Variants in CMPK1 observed in about 807,000 individuals in gnomAD.
The protein encoded by CMPK1 is cytidine/uridine monophosphate kinase 1.
In CMPK1, 10 loss-of-function variants were observed where a neutral mutation model predicts 25.7. The observed-to-expected ratio is 0.39, with a 90% CI of 0.24 to 0.66. The LOEUF (loss-of-function observed/expected upper bound fraction) is 0.66. Among genes scored for constraint, CMPK1 ranks in the 30% least tolerant of loss-of-function variants. CMPK1 has a pLI of 0.48. For synonymous variants in CMPK1, 106 were observed against 101.5 expected, an observed-to-expected ratio of 1.04 and a Z score of -0.27; for missense variants, 199 against 280.5, an observed-to-expected ratio of 0.71 and a Z score of 2.08.
chr1:47,365,506 T>C (rs1470626010), intron 1 of CMPK1, among the ~76,000 whole-genome samples: 1 of 151,696 alleles, frequency 6.6e-6, no homozygotes, highest in African/African-American at 2.4e-5. Flanking sequence ...CAGTGGCATG[T>C]ACCACTAGTC....
intron 1 of CMPK1, among the ~76,000 whole-genome samples, chr1:47,338,625 T>A (rs1646418120): frequency 7.3e-6 from 1 of 136,250 alleles, no homozygotes; most frequent in African/African-American, 2.6e-5. Context: ...TTTTCTTTTT[T>A]TTTTACCAAA....
chr1:47,336,962 C>T (rs955987095), intron 1 of CMPK1, among the ~76,000 whole-genome samples: 1 of 151,914 alleles, frequency 6.6e-6, no homozygotes, highest in Non-Finnish European at 1.5e-5. Flanking sequence ...TTAATAATAC[C>T]CATACTACTA....
At chr1:47,357,050 G>A (rs554738105) in intron 1 of CMPK1, among the ~76,000 whole-genome samples, 4 of 146,120 alleles carry the variant, frequency 2.7e-5, no homozygotes, top group South Asian at 2.2e-4. Flanking sequence ...TATAAGCTCC[G>A]CCTCCTGGGT....
intron 1 of CMPK1, among the ~76,000 whole-genome samples, chr1:47,365,911 AG>A (rs567246332): frequency 9.6e-4 from 146 of 152,220 alleles, no homozygotes; most frequent in Admixed American, 5.2e-3. Flanking sequence ...TACTATCTTT[AG>A]GTCAGGCATG....
At chr1:47,374,165 C>T (rs1646693626) in intron 3 of CMPK1, among the ~76,000 whole-genome samples, 1 of 152,330 alleles carries the variant, frequency 6.6e-6, no homozygotes, top group African/African-American at 2.4e-5. Context: ...TCAAGCAGTT[C>T]TCCTGCCTCA....
At chr1:47,366,832 C>G (rs3122610) in intron 1 of CMPK1, among the ~76,000 whole-genome samples, 63,642 of 151,952 alleles carry the variant, frequency 0.42, 15,406 homozygotes, top group South Asian at 0.55. Context: ...TCAAGTGATT[C>G]TCCTGCCTCA....
chr1:47,372,503 G>A (rs866121360), intron 2 of CMPK1, among the ~76,000 whole-genome samples: 9 of 152,272 alleles, frequency 5.9e-5, no homozygotes, highest in Admixed American at 2.0e-4. Context: ...TTCCACTATA[G>A]CAAAACGACT....
At chr1:47,349,233 T>C (rs1646505170) in intron 1 of CMPK1, among the ~76,000 whole-genome samples, 1 of 152,178 alleles carries the variant, frequency 6.6e-6, no homozygotes, top group Admixed American at 6.6e-5. Context: ...CATAGTAGCT[T>C]GAAGACGAAA....
chr1:47,337,773 C>T (rs557065777), intron 1 of CMPK1, among the ~76,000 whole-genome samples: 11 of 151,978 alleles, frequency 7.2e-5, no homozygotes, highest in South Asian at 6.2e-4. Flanking sequence ...CCACCATGCC[C>T]GGCTAATTTT....
At chr1:47,357,728 AC>A (rs1488698185) in intron 1 of CMPK1, among the ~76,000 whole-genome samples, 1 of 151,636 alleles carries the variant, frequency 6.6e-6, no homozygotes, top group Non-Finnish European at 1.5e-5. Flanking sequence ...CAGGTGATCC[AC>A]CTGCCTCAGC....
intron 1 of CMPK1, among the ~76,000 whole-genome samples, chr1:47,344,311 A>G (rs1646466769): frequency 6.6e-6 from 1 of 152,106 alleles, no homozygotes; most frequent in South Asian, 2.1e-4. Context: ...GGAAAGAAGC[A>G]GTTGGGAGAT....
intron 1 of CMPK1, among the ~76,000 whole-genome samples, chr1:47,336,525 T>G (rs1006793441): frequency 2.0e-5 from 3 of 152,174 alleles, no homozygotes; most frequent in Non-Finnish European, 4.4e-5. Flanking sequence ...TGGGTTTTGT[T>G]GTTGTTGTTT....
At chr1:47,337,673 G>T (rs1472316366) in intron 1 of CMPK1, among the ~76,000 whole-genome samples, 3 of 151,612 alleles carry the variant, frequency 2.0e-5, no homozygotes, top group African/African-American at 7.3e-5. Flanking sequence ...GTGTGCAGTG[G>T]GGCAATCTTG....
At chr1:47,346,567 G>A (rs990331156) in intron 1 of CMPK1, among the ~76,000 whole-genome samples, 5 of 150,200 alleles carry the variant, frequency 3.3e-5, no homozygotes, top group Admixed American at 2.0e-4. Flanking sequence ...GCAATGGTGC[G>A]ATCTCAACTC....
Position 47,339,126 on chromosome 1 carries a change from A to G in CMPK1, c.171+5010A>G, listed in dbSNP as rs567156061. ...AGTGGTGTGACCTCAGCTCACTGCA[A>G]CCTCCGCCTCCTGGGTTCAAGAGAT... On this transcript the variant is annotated intron_variant, in intron 1 of 5. Coordinates refer to ENST00000371873, the MANE Select transcript of CMPK1 (RefSeq NM_016308.3). Among the ~76,000 whole-genome samples, 321 of 150,974 alleles carry G rather than the reference A, an allele frequency of 2.1e-3. 2 individuals carry two copies. The highest frequency in any genetic ancestry group is 3.9e-3 in the Non-Finnish European group (262 of 67,836).
chr1:47,374,820 G>T, intron 3 of CMPK1, 89 bp from the exon 4 acceptor site: 1 of 907,228 alleles, frequency 1.1e-6, no homozygotes, highest in South Asian at 1.7e-5. Flanking sequence ...GGTTTTTTTG[G>T]TCATCTCTTT....
At chr1:47,349,962 G>A (rs1203195724) in intron 1 of CMPK1, among the ~76,000 whole-genome samples, 3 of 152,028 alleles carry the variant, frequency 2.0e-5, no homozygotes, top group South Asian at 2.1e-4. Context: ...GCGCCACCAC[G>A]CCCAGCTAAT....
intron 1 of CMPK1, among the ~76,000 whole-genome samples, chr1:47,345,400 T>G (rs978793056): frequency 6.6e-6 from 1 of 152,018 alleles, no homozygotes. Flanking sequence ...AAACAATACT[T>G]AAGAAGTATT....
chr1:47,334,629 C>T (rs1646382885), intron 1 of CMPK1, among the ~76,000 whole-genome samples: 1 of 152,172 alleles, frequency 6.6e-6, no homozygotes, highest in South Asian at 2.1e-4. Context: ...GAAAGGAGGC[C>T]CGTGGGGCGG....
Sources: allele counts gnomAD v4.1 joint callset (sites outside exome capture counted in the v4.1 genomes callset), GRCh38; gene constraint gnomAD v4.1.1; transcripts MANE v1.5; gene names NCBI Gene and HGNC (gene_info 2026-07-23, HGNC 2026-07-21).